Variants in MTCL1 observed in about 807,000 individuals in gnomAD.
MTCL1 encodes the protein microtubule crosslinking factor 1.
MTCL1 carries 79 observed loss-of-function variants against 141.4 expected under a neutral mutation model. The observed-to-expected ratio is 0.56, with a 90% CI of 0.47 to 0.67. The LOEUF is 0.67. Among genes scored for constraint, MTCL1 ranks in the 30% least tolerant of loss-of-function variants. The probability of loss-of-function intolerance (pLI) is 0.00; values close to 1 mark genes in which losing one functional copy is unlikely to be tolerated. For missense variants in MTCL1, 2,177 were observed against 2,113.9 expected, an observed-to-expected ratio of 1.03 and a Z score of -0.59; for synonymous variants, 914 against 875.8, an observed-to-expected ratio of 1.04 and a Z score of -0.77.
chr18:8,832,051 T>C, exon 17 of MTCL1: 1 of 559,008 alleles, frequency 1.8e-6, no homozygotes, highest in South Asian at 2.2e-5. Flanking sequence ...CCATCTTTTT[T>C]ACACACAGTA....
intron 4 of MTCL1, among the ~76,000 whole-genome samples, chr18:8,774,043 G>A (rs1211162536): frequency 1.3e-5 from 2 of 152,206 alleles, no homozygotes; most frequent in African/African-American, 4.8e-5. Flanking sequence ...CCAACAGTTT[G>A]TCACTAGTGC....
At chr18:8,773,921 C>A (rs978020709) in intron 4 of MTCL1, among the ~76,000 whole-genome samples, 5 of 152,170 alleles carry the variant, frequency 3.3e-5, no homozygotes, top group Non-Finnish European at 7.3e-5. Context: ...ATTTTTATAT[C>A]TAATAGCACA....
At chr18:8,777,857 C>T (rs867184743) in exon 5 of MTCL1, 7 of 1,613,770 alleles carry the variant, frequency 4.3e-6, no homozygotes, top group Middle Eastern at 1.6e-4. Flanking sequence ...AAGAAGCACT[C>T]GGGAAATGTA....
At chr18:8,733,508 C>A (rs527241712) in intron 4 of MTCL1, among the ~76,000 whole-genome samples, 1 of 152,086 alleles carries the variant, frequency 6.6e-6, no homozygotes, top group African/African-American at 2.4e-5. Flanking sequence ...TGGGTTCAAG[C>A]GATTCTCCTG....
intron 10 of MTCL1, chr18:8,801,805 C>T (rs906242434): frequency 6.6e-6 from 1 of 152,172 alleles, no homozygotes; most frequent in Admixed American, 6.5e-5. Context: ...TTATTCTTTC[C>T]CGGATCCACA....
At chr18:8,735,116 G>A (rs1274162197) in intron 4 of MTCL1, among the ~76,000 whole-genome samples, 1 of 152,172 alleles carries the variant, frequency 6.6e-6, no homozygotes. Flanking sequence ...TAAGTTCACA[G>A]TCATGAGTTT....
At chr18:8,826,181 C>T (rs2144505547) in exon 15 of MTCL1, 3 of 1,611,666 alleles carry the variant, frequency 1.9e-6, no homozygotes, top group Non-Finnish European at 2.5e-6. Context: ...CCCCGGGTCT[C>T]CACAGTGACA....
intron 6 of MTCL1, chr18:8,785,582 T>C (rs1029340474): frequency 1.6e-5 from 4 of 254,168 alleles, no homozygotes; most frequent in African/African-American, 2.3e-5. Flanking sequence ...GTTTTCCGTT[T>C]CCTTCACGGG....
chr18:8,720,309 C>T, intron 3 of MTCL1, 29 bp from the exon 3 acceptor site: 1 of 1,612,292 alleles, frequency 6.2e-7, no homozygotes, highest in Non-Finnish European at 8.5e-7. Context: ...GCCTCATATC[C>T]TGATAATGAT....
intron 4 of MTCL1, among the ~76,000 whole-genome samples, chr18:8,776,358 CCT>C (rs1487816289): frequency 6.6e-6 from 1 of 152,228 alleles, no homozygotes; most frequent in Admixed American, 6.5e-5. Context: ...GCTTCTCACT[CCT>C]CATTTCTTTC....
chr18:8,765,646 C>T (rs1388251165), intron 4 of MTCL1, among the ~76,000 whole-genome samples: 1 of 152,232 alleles, frequency 6.6e-6, no homozygotes, highest in Admixed American at 6.5e-5. Context: ...GGGCAAGCCA[C>T]TCCTCCCATG....
intron 12 of MTCL1, among the ~76,000 whole-genome samples, chr18:8,817,488 T>C (rs2076695150): frequency 6.6e-6 from 1 of 152,206 alleles, no homozygotes; most frequent in South Asian, 2.1e-4. Flanking sequence ...ATCTCTGTTC[T>C]GCCACCTTAG....
chr18:8,803,645 C>A (rs2076197157), intron 10 of MTCL1, among the ~76,000 whole-genome samples: 1 of 152,172 alleles, frequency 6.6e-6, no homozygotes, highest in African/African-American at 2.4e-5. Context: ...TAACAGGTAC[C>A]AATAGCATTG....
At chr18:8,766,071 G>C (rs980255443) in intron 4 of MTCL1, among the ~76,000 whole-genome samples, 2 of 151,850 alleles carry the variant, frequency 1.3e-5, no homozygotes, top group African/African-American at 4.8e-5. Flanking sequence ...TGCAGATAAA[G>C]ATCCAACAAC....
exon 1 of MTCL1, chr18:8,706,491 C>A (rs547429635): frequency 2.3e-6 from 3 of 1,281,800 alleles, no homozygotes; most frequent in South Asian, 5.3e-5. Context: ...TCGCCGCGGG[C>A]GCCTGTCCCG....
chr18:8,763,370 C>G (rs2096442931), intron 4 of MTCL1, among the ~76,000 whole-genome samples: 1 of 152,246 alleles, frequency 6.6e-6, no homozygotes, highest in Admixed American at 6.5e-5. Flanking sequence ...TGCTGTAGAA[C>G]CACCACAGAA....
Position 8,810,781 on chromosome 18 carries a change from C to T in MTCL1, c.2605-2198C>T, listed in dbSNP as rs2076457317. Among the ~76,000 whole-genome samples the T allele has an allele frequency of 6.6e-6, 1 of 152,032 alleles. No individual in the cohort carries two copies. The highest frequency in any genetic ancestry group is 2.1e-4 in the South Asian group (1 of 4,826). Reference sequence around the variant, plus strand: ...TCTACTTAGAAAAAGTTTTATTTTCCCCAGATTTACATTTTATAAATAATT... The same window carrying T: ...TCTACTTAGAAAAAGTTTTATTTTCTCCAGATTTACATTTTATAAATAATT... On this transcript the variant is annotated intron_variant, in intron 11 of 16. Coordinates refer to ENST00000359865, the Ensembl canonical transcript of MTCL1. The surrounding 1 kb of genome is among the most constrained non-coding windows in gnomAD (Gnocchi z 5.0).
chr18:8,786,146 G>A (rs768869100), intron 7 of MTCL1, 55 bp downstream of exon 6: 181 of 1,466,124 alleles, frequency 1.2e-4, no homozygotes, highest in Non-Finnish European at 1.6e-4. Context: ...TTTTCTGTGT[G>A]GCTGGCTGTG....
intron 7 of MTCL1, among the ~76,000 whole-genome samples, chr18:8,792,442 A>C (rs376912256): frequency 6.6e-6 from 1 of 152,252 alleles, no homozygotes; most frequent in South Asian, 2.1e-4. Flanking sequence ...ATCTCTGCTC[A>C]TTGATGAACC....
Sources: allele counts gnomAD v4.1 joint callset (sites outside exome capture counted in the v4.1 genomes callset), GRCh38; gene constraint gnomAD v4.1.1; non-coding constraint Gnocchi (gnomAD v3.1); transcripts MANE v1.5; gene names NCBI Gene and HGNC (gene_info 2026-07-23, HGNC 2026-07-21).